Variants in STIM1 observed in about 807,000 individuals in gnomAD.
STIM1 encodes stromal interaction molecule 1.
STIM1 carries 25 observed loss-of-function variants against 74.7 expected under a neutral mutation model. The observed-to-expected ratio is 0.33, with a 90% CI of 0.24 to 0.47. The LOEUF (loss-of-function observed/expected upper bound fraction) is 0.47. STIM1 is among the 20% of genes least tolerant of loss of function. The probability of loss-of-function intolerance (pLI) is 1.00; values close to 1 mark genes in which losing one functional copy is unlikely to be tolerated. For missense variants in STIM1, 728 were observed against 920.8 expected (o/e 0.79, Z 2.71); for synonymous variants, 328 against 348.8 (o/e 0.94, Z 0.66).
At chr11:3,859,841 A>T (rs866351807) in intron 1 of STIM1, among the ~76,000 whole-genome samples, 3 of 152,236 alleles carry the variant, frequency 2.0e-5, no homozygotes, top group Admixed American at 1.3e-4. Flanking sequence ...AGAGGGACAC[A>T]CTAAGCCTGG....
intron 1 of STIM1, among the ~76,000 whole-genome samples, chr11:3,905,993 C>T (rs1285431407): frequency 6.6e-6 from 1 of 152,154 alleles, no homozygotes; most frequent in African/African-American, 2.4e-5. Flanking sequence ...TCTTTACTTA[C>T]CAGTGGCTCT....
chr11:4,071,150 G>A (rs1457820270), intron 6 of STIM1, among the ~76,000 whole-genome samples: 1 of 152,110 alleles, frequency 6.6e-6, no homozygotes, highest in Non-Finnish European at 1.5e-5. Context: ...GATGCATGTG[G>A]GGAAGTTAGT....
intron 1 of STIM1, among the ~76,000 whole-genome samples, chr11:3,901,017 C>A (rs780759857): frequency 6.6e-6 from 1 of 152,170 alleles, no homozygotes; most frequent in Non-Finnish European, 1.5e-5. Context: ...ATGGCGAAAC[C>A]CTGTCTCTAT....
chr11:4,007,830 G>C (rs779789514), intron 2 of STIM1, among the ~76,000 whole-genome samples: 12 of 152,130 alleles, frequency 7.9e-5, no homozygotes, highest in Admixed American at 4.6e-4. Context: ...GTCTGTGAGT[G>C]GTGAGAGCTG....
intron 1 of STIM1, among the ~76,000 whole-genome samples, chr11:3,929,828 A>G (rs1040380992): frequency 3.3e-5 from 5 of 152,216 alleles, no homozygotes; most frequent in Non-Finnish European, 7.3e-5. Context: ...CTCGGGCCAC[A>G]GGTTACCAAG....
In STIM1 at chr11:3,930,185, C is replaced by G. The variant is rs144121085; in HGVS notation, c.140-37367C>G. Among the ~76,000 whole-genome samples, 54 of 152,260 alleles carry G rather than the reference C, an allele frequency of 3.5e-4. 1 individual carries two copies. The highest frequency in any genetic ancestry group is 1.2e-3 in the African/African-American group (50 of 41,558). ...AAAACCCAAACATGTATTTGACCTTCACTATATGTAAGGCACTGTACTAGG... is the reference window on the plus strand; with the variant it reads ...AAAACCCAAACATGTATTTGACCTTGACTATATGTAAGGCACTGTACTAGG... On this transcript the variant is annotated intron_variant, in intron 1 of 12. Coordinates refer to ENST00000526596, the MANE Select transcript of STIM1 (RefSeq NM_001382567.1).
At chr11:4,009,498 C>T (rs1018423118) in intron 2 of STIM1, among the ~76,000 whole-genome samples, 5 of 151,732 alleles carry the variant, frequency 3.3e-5, no homozygotes, top group Non-Finnish European at 5.9e-5. Context: ...ATCCCAGCTA[C>T]TCAGGAGGCT....
In STIM1 at chr11:4,070,048, G is replaced by A. The variant is rs201872975; in HGVS notation, c.636G>A (p.Lys212=). The change falls in exon 6 of 13, where the codon AAG becomes AAA. Residue 212 remains lysine (K), a synonymous_variant. Transcript: ENST00000526596. ...PPLLTRHNHL[K]DFMLVVSIVI... ...CAGTGACTCGCCATAATCACCTCAA[G>A]GACTTCATGCTGGTGGTGTCTATCG... 2.5e-6 allele frequency: 4 copies of A among 1,614,188 alleles called. No homozygotes were observed. The highest frequency in any genetic ancestry group is 4.5e-5 in the East Asian group (2 of 44,888).
intron 3 of STIM1, among the ~76,000 whole-genome samples, chr11:4,047,615 C>CAAACAAAACA (rs534777254): frequency 6.6e-5 from 10 of 151,442 alleles, no homozygotes; most frequent in African/African-American, 2.4e-4. Flanking sequence ...GACCCTTTTT[C>CAAACAAAACA]AAACAAAACA....
intron 3 of STIM1, among the ~76,000 whole-genome samples, chr11:4,046,340 A>G (rs1380471914): frequency 6.6e-6 from 1 of 152,158 alleles, no homozygotes; most frequent in Non-Finnish European, 1.5e-5. Context: ...ATAACCAAGC[A>G]CTGACTAAGC....
chr11:4,026,025 A>G (rs2093995481), intron 3 of STIM1, among the ~76,000 whole-genome samples: 1 of 152,180 alleles, frequency 6.6e-6, no homozygotes, highest in Non-Finnish European at 1.5e-5. Flanking sequence ...CTTCCTCCCA[A>G]TAATTTGCTT....
intron 1 of STIM1, among the ~76,000 whole-genome samples, chr11:3,955,765 A>G (rs1254266443): frequency 2.0e-5 from 3 of 152,068 alleles, no homozygotes; most frequent in Non-Finnish European, 4.4e-5. Context: ...GGCATCAGCA[A>G]TTTAAGAGCT....
chr11:4,059,184 A>C, intron 4 of STIM1, 97 bp from the exon 5 acceptor site: 2 of 1,079,812 alleles, frequency 1.9e-6, no homozygotes. Flanking sequence ...GCAATCACCA[A>C]GAGCTAGAAG....
intron 1 of STIM1, among the ~76,000 whole-genome samples, chr11:3,874,929 C>T (rs1263555024): frequency 6.6e-6 from 1 of 151,720 alleles, no homozygotes; most frequent in African/African-American, 2.4e-5. Flanking sequence ...TGTTATTTTC[C>T]TGGACATCTG....
At chr11:4,046,193 T>C (rs961271129) in intron 3 of STIM1, among the ~76,000 whole-genome samples, 14 of 149,706 alleles carry the variant, frequency 9.4e-5, no homozygotes, top group African/African-American at 3.4e-4. Context: ...GCCTCCCAAG[T>C]AGCTGGGATC....
chr11:3,865,600 C>G (rs1431471640), intron 1 of STIM1, among the ~76,000 whole-genome samples: 1 of 152,160 alleles, frequency 6.6e-6, no homozygotes, highest in African/African-American at 2.4e-5. Flanking sequence ...AATATATGCA[C>G]CCTATACCAC....
intron 3 of STIM1, among the ~76,000 whole-genome samples, chr11:4,037,363 C>A (rs1400936963): frequency 1.3e-5 from 2 of 152,170 alleles, no homozygotes; most frequent in Admixed American, 1.3e-4. Flanking sequence ...CATACTTGTT[C>A]TATCAATTGT....
chr11:3,986,489 A>G (rs2093559388), intron 2 of STIM1, among the ~76,000 whole-genome samples: 1 of 152,190 alleles, frequency 6.6e-6, no homozygotes, highest in African/African-American at 2.4e-5. Context: ...TGTGTGCCAT[A>G]CTGAGGAACT....
rs1413161075 is a variant in STIM1, at chr11:4,004,014, T to G, written c.271-19859T>G. ...AATAGCTTCAAAGAGAATAAAATAC[T>G]TAGGAATCCAACTTAGAAGGGACGT... On this transcript the variant is annotated intron_variant, in intron 2 of 12. Transcript: ENST00000526596. Among the ~76,000 whole-genome samples the G allele has an allele frequency of 2.0e-5, 3 of 152,078 alleles. No homozygotes were observed. The East Asian group carries it at 5.8e-4, about 29-fold the overall frequency.
Sources: allele counts gnomAD v4.1 joint callset (sites outside exome capture counted in the v4.1 genomes callset), GRCh38; gene constraint gnomAD v4.1.1; transcripts MANE v1.5; gene names NCBI Gene and HGNC (gene_info 2026-07-23, HGNC 2026-07-21).